CA10: variants seen among roughly 807,000 people sequenced by gnomAD.
CA10 encodes the protein carbonic anhydrase-related protein 10.
In CA10, 14 loss-of-function variants were observed where a neutral mutation model predicts 44.2. The observed-to-expected ratio is 0.32, with a 90% CI of 0.21 to 0.50. The LOEUF is 0.50. CA10 is among the 20% of genes least tolerant of loss of function. The probability of loss-of-function intolerance (pLI) is 0.99; values close to 1 mark genes in which losing one functional copy is unlikely to be tolerated. For missense variants in CA10, 350 were observed against 409.7 expected, an observed-to-expected ratio of 0.85 and a Z score of 1.26; for synonymous variants, 159 against 141.6, an observed-to-expected ratio of 1.12 and a Z score of -0.87.
intron 4 of CA10, among the ~76,000 whole-genome samples, chr17:51,700,104 A>G (rs1019808947): frequency 1.3e-5 from 2 of 152,200 alleles, no homozygotes; most frequent in Non-Finnish European, 2.9e-5. Flanking sequence ...ACGATGCTGC[A>G]GAGAGAACTA....
intron 3 of CA10, among the ~76,000 whole-genome samples, chr17:51,843,580 T>A (rs1027539448): frequency 6.6e-6 from 1 of 152,222 alleles, no homozygotes; most frequent in African/African-American, 2.4e-5. Flanking sequence ...TCTGAAATGA[T>A]GTGTGCTCAT....
At chr17:52,156,337 T>C (rs530680412) in intron 1 of CA10, among the ~76,000 whole-genome samples, 1 of 152,320 alleles carries the variant, frequency 6.6e-6, no homozygotes, top group South Asian at 2.1e-4. Flanking sequence ...AATGGAATAA[T>C]AGAAGTCCCA....
chr17:51,749,359 T>G (rs973361088), intron 3 of CA10, among the ~76,000 whole-genome samples: 4 of 152,204 alleles, frequency 2.6e-5, no homozygotes, highest in Non-Finnish European at 5.9e-5. Flanking sequence ...GGCATGCGTG[T>G]TTTCTTCACT....
At chr17:51,924,214 G>A (rs936271537) in intron 3 of CA10, among the ~76,000 whole-genome samples, 1 of 152,176 alleles carries the variant, frequency 6.6e-6, no homozygotes, top group Non-Finnish European at 1.5e-5. Flanking sequence ...GGCAAGTGGG[G>A]TGAAGGGTAT....
At position 51,703,854 on chromosome 17, in the gene CA10, C is replaced by T. The variant is rs1024663194; in HGVS notation, c.465+43779G>A. On this transcript the variant is annotated intron_variant, in intron 4 of 8. Transcript: ENST00000451037. ...ATAAGGAGTCAGTGCATGACCTAACCGGTCCCGGGCTGCTTGCCATTCCAA... is the reference window on the plus strand; with the variant it reads ...ATAAGGAGTCAGTGCATGACCTAACTGGTCCCGGGCTGCTTGCCATTCCAA... 6.0e-4 allele frequency among the ~76,000 whole-genome samples: 92 copies of T among 152,302 alleles called. 1 individual carries two copies. The highest frequency in any genetic ancestry group is 2.0e-3 in the African/African-American group (83 of 41,574).
At chr17:51,749,009 G>C (rs1380146709) in intron 3 of CA10, among the ~76,000 whole-genome samples, 2 of 152,156 alleles carry the variant, frequency 1.3e-5, no homozygotes, top group African/African-American at 2.4e-5. Flanking sequence ...GGGTTGGGAG[G>C]GGTCATGACA....
At chr17:51,666,148 G>A (rs1371533678) in intron 4 of CA10, among the ~76,000 whole-genome samples, 1 of 152,192 alleles carries the variant, frequency 6.6e-6, no homozygotes, top group African/African-American at 2.4e-5. Flanking sequence ...TGTTTCCCAT[G>A]TGCCAGGCAC....
chr17:52,112,415 C>A (rs371816421), intron 1 of CA10, among the ~76,000 whole-genome samples: 6 of 152,140 alleles, frequency 3.9e-5, no homozygotes, highest in Admixed American at 3.3e-4. Flanking sequence ...TACATATTGC[C>A]TATGCTTCTT....
intron 3 of CA10, among the ~76,000 whole-genome samples, chr17:51,907,004 G>A (rs1200811124): frequency 6.6e-6 from 1 of 152,132 alleles, no homozygotes; most frequent in Non-Finnish European, 1.5e-5. Flanking sequence ...AGCAGTTGGA[G>A]TGATCTTTCA....
intron 2 of CA10, among the ~76,000 whole-genome samples, chr17:52,039,228 TAGC>T (rs1986701686): frequency 6.6e-6 from 1 of 152,180 alleles, no homozygotes; most frequent in Non-Finnish European, 1.5e-5. Context: ...ATTATTATTG[TAGC>T]ACTGAAATCC....
intron 2 of CA10, among the ~76,000 whole-genome samples, chr17:52,030,316 G>A (rs1273503972): frequency 2.0e-5 from 3 of 151,764 alleles, no homozygotes; most frequent in African/African-American, 7.2e-5. Flanking sequence ...TCTTAACGAT[G>A]AGTTGCAAAA....
At chr17:52,015,653 C>G (rs1985944534) in intron 2 of CA10, among the ~76,000 whole-genome samples, 1 of 152,086 alleles carries the variant, frequency 6.6e-6, no homozygotes, top group Non-Finnish European at 1.5e-5. Context: ...ACATAAAGTT[C>G]TTTGTGTCAG....
At chr17:51,883,322 A>T (rs1018035684) in intron 3 of CA10, among the ~76,000 whole-genome samples, 7 of 152,008 alleles carry the variant, frequency 4.6e-5, no homozygotes, top group Admixed American at 1.3e-4. Context: ...ATTCTTCCCA[A>T]CTTAAAAAAA....
intron 6 of CA10, among the ~76,000 whole-genome samples, chr17:51,636,775 T>TTGTGTGTGTGTGTGTG (rs57428535): frequency 1.2e-4 from 17 of 146,512 alleles, no homozygotes; most frequent in African/African-American, 2.8e-4. Context: ...ACTGATTATT[T>TTGTGTGTGTGTGTGTG]TGTGTGTGTG....
intron 6 of CA10, among the ~76,000 whole-genome samples, chr17:51,638,932 A>C (rs1278436977): frequency 1.3e-5 from 2 of 152,128 alleles, no homozygotes; most frequent in African/African-American, 4.8e-5. Flanking sequence ...ACTTGGGGAC[A>C]GATGGAGTGT....
intron 3 of CA10, among the ~76,000 whole-genome samples, chr17:51,789,282 C>T (rs1906418313): frequency 6.6e-6 from 1 of 151,362 alleles, no homozygotes; most frequent in South Asian, 2.1e-4. Flanking sequence ...TCCCACAGTG[C>T]TGGGATTACA....
intron 4 of CA10, among the ~76,000 whole-genome samples, chr17:51,672,075 G>C (rs1367620281): frequency 6.6e-6 from 1 of 152,154 alleles, no homozygotes; most frequent in African/African-American, 2.4e-5. Flanking sequence ...TATTTCCCCA[G>C]TTGTTGTAAG....
At chr17:51,849,875 C>A (rs1978712447) in intron 3 of CA10, among the ~76,000 whole-genome samples, 1 of 152,032 alleles carries the variant, frequency 6.6e-6, no homozygotes, top group Non-Finnish European at 1.5e-5. Context: ...GCATGAATAC[C>A]CCATAAGCAA....
intron 1 of CA10, among the ~76,000 whole-genome samples, chr17:52,147,315 C>T (rs1287424861): frequency 6.6e-6 from 1 of 152,056 alleles, no homozygotes; most frequent in Admixed American, 6.5e-5. Flanking sequence ...CCCTGTCTTG[C>T]AAGGAGCACT....
Sources: allele counts gnomAD v4.1 joint callset (sites outside exome capture counted in the v4.1 genomes callset), GRCh38; gene constraint gnomAD v4.1.1; transcripts MANE v1.5; gene names NCBI Gene and HGNC (gene_info 2026-07-23, HGNC 2026-07-21).